The following HRH1 variants were observed in gnomAD, a reference collection of about 807,000 sequenced individuals.
HRH1 encodes the protein histamine H1 receptor.
A neutral mutation model predicts 10.3 loss-of-function variants in HRH1; 6 were observed. That is an observed-to-expected ratio of 0.58 (90% confidence interval 0.32 to 1.15). The LOEUF (loss-of-function observed/expected upper bound fraction) is 1.15, where lower values mean the gene tolerates loss of function less well. Among genes scored for constraint, HRH1 ranks in the 50% most tolerant of loss-of-function variants. The pLI is 0.05. For missense variants in HRH1, 514 were observed against 615.3 expected, an observed-to-expected ratio of 0.84 and a Z score of 1.74; for synonymous variants, 242 against 236.7, an observed-to-expected ratio of 1.02 and a Z score of -0.21.
intron 1 of HRH1, among the ~76,000 whole-genome samples, chr3:11,196,955 A>G (rs1353981537): frequency 2.8e-5 from 1 of 36,112 alleles, no homozygotes; most frequent in East Asian, 5.6e-4. Context: ...TAAAAATACA[A>G]AAAAAAAAAA....
chr3:11,139,207 G>A (rs1487554772), intron 1 of HRH1, among the ~76,000 whole-genome samples: 2 of 151,184 alleles, frequency 1.3e-5, no homozygotes, highest in South Asian at 2.1e-4. Context: ...GGCTGGTTTC[G>A]AACCCCTGAC....
chr3:11,215,775 G>A (rs1938472518), intron 1 of HRH1, among the ~76,000 whole-genome samples: 1 of 152,204 alleles, frequency 6.6e-6, no homozygotes, highest in Non-Finnish European at 1.5e-5. Context: ...AGGGGTGAGG[G>A]ACTTTGACTA....
At chr3:11,230,465 C>T (rs191809594) in intron 1 of HRH1, among the ~76,000 whole-genome samples, 93 of 152,256 alleles carry the variant, frequency 6.1e-4, no homozygotes, top group African/African-American at 2.1e-3. Context: ...TCCCAGTGTA[C>T]GATATATTTC....
Position 11,165,598 on chromosome 3 carries a change from G to A in HRH1, c.-36+11044G>A, listed in dbSNP as rs1937015025. Among the ~76,000 whole-genome samples the A allele has an allele frequency of 2.0e-5, 3 of 152,292 alleles. No individual in the cohort carries two copies. The South Asian group carries it at 6.2e-4, about 32-fold the overall frequency. ...CAGGGATTTGAACATTCAAGGTTTG[G>A]AACTGACATTGGGCCGGGTTGCTCC... On this transcript the variant is annotated intron_variant, in intron 1 of 1. Coordinates refer to ENST00000431010, the MANE Select transcript of HRH1 (RefSeq NM_001098212.2).
intron 1 of HRH1, among the ~76,000 whole-genome samples, chr3:11,207,168 G>C (rs953166173): frequency 3.3e-5 from 5 of 152,068 alleles, no homozygotes; most frequent in African/African-American, 1.2e-4. Context: ...GCAGCAGTGG[G>C]AGGGGAAGGC....
At position 11,260,774 on chromosome 3, in the gene HRH1, A is replaced by T. The variant is rs202180123; in HGVS notation, c.*273A>T. On this transcript the variant is annotated 3_prime_UTR_variant, in exon 2 of 2. Transcript: ENST00000431010. ...AACTGGGTTCAAAAAGAAAAAAATAATAAAAATAAAAGAGAGAGAGAATCA... is the reference window on the plus strand; with the variant it reads ...AACTGGGTTCAAAAAGAAAAAAATATTAAAAATAAAAGAGAGAGAGAATCA... 45 of 405,492 alleles carry T rather than the reference A, an allele frequency of 1.1e-4. No individual in the cohort carries two copies. Among genetic ancestry groups the T allele is most frequent in the Admixed American group, 2.9e-4 (7 of 24,404 alleles). The allele number at this position is 405,492 out of a possible 1,614,324, so 25.1% of individuals were successfully genotyped here.
chr3:11,226,520 T>C (rs1938886940), intron 1 of HRH1: 1 of 152,122 alleles, frequency 6.6e-6, no homozygotes. Flanking sequence ...TCTTTGAGAG[T>C]CTTCAGTAAA....
At chr3:11,216,389 G>A (rs1158872362) in intron 1 of HRH1, among the ~76,000 whole-genome samples, 1 of 152,192 alleles carries the variant, frequency 6.6e-6, no homozygotes, top group Non-Finnish European at 1.5e-5. Flanking sequence ...ATCAGAGGAT[G>A]AATGGATACA....
intron 1 of HRH1, among the ~76,000 whole-genome samples, chr3:11,171,123 C>CT (rs200795325): frequency 0.15 from 21,536 of 142,050 alleles, 2,233 homozygotes; most frequent in East Asian, 0.38. Context: ...TTTTTCTTTT[C>CT]TTTTTTTTTT....
intron 1 of HRH1, among the ~76,000 whole-genome samples, chr3:11,163,479 G>A (rs1266675116): frequency 6.6e-6 from 1 of 151,504 alleles, no homozygotes; most frequent in Non-Finnish European, 1.5e-5. Context: ...CTTGGAGGCT[G>A]CAATGAGTTT....
At chr3:11,241,166 T>C (rs1939326239) in intron 1 of HRH1, among the ~76,000 whole-genome samples, 1 of 152,194 alleles carries the variant, frequency 6.6e-6, no homozygotes, top group African/African-American at 2.4e-5. Flanking sequence ...ATACCAAATA[T>C]AATAAGTATC....
intron 1 of HRH1, among the ~76,000 whole-genome samples, chr3:11,236,496 C>A (rs1445441665): frequency 6.6e-6 from 1 of 152,146 alleles, no homozygotes; most frequent in Non-Finnish European, 1.5e-5. Flanking sequence ...TAGGCTGGCA[C>A]CTCCATGAGA....
chr3:11,245,974 C>T (rs1488139278), intron 1 of HRH1, among the ~76,000 whole-genome samples: 1 of 150,764 alleles, frequency 6.6e-6, no homozygotes, highest in Non-Finnish European at 1.5e-5. Flanking sequence ...CACACACACT[C>T]ATGTACTCAA....
chr3:11,177,078 G>A (rs570328581), intron 1 of HRH1, among the ~76,000 whole-genome samples: 1 of 150,656 alleles, frequency 6.6e-6, no homozygotes, highest in South Asian at 2.1e-4. Flanking sequence ...GAATGACGGA[G>A]TGAAACTCTT....
At chr3:11,241,068 ATATTT>A (rs1939323857) in intron 1 of HRH1, among the ~76,000 whole-genome samples, 2 of 152,232 alleles carry the variant, frequency 1.3e-5, no homozygotes, top group Admixed American at 1.3e-4. Context: ...GAAGGAATCT[ATATTT>A]TGTTTTTTTC....
At chr3:11,151,027 T>C (rs572330759), upstream of HRH1, among the ~76,000 whole-genome samples, 1 of 152,320 alleles carries the variant, frequency 6.6e-6, no homozygotes, top group East Asian at 1.9e-4. Flanking sequence ...AGGAACCATC[T>C]CTCACCCACT....
intron 1 of HRH1, among the ~76,000 whole-genome samples, chr3:11,194,682 G>T (rs1937608682): frequency 6.6e-6 from 1 of 152,170 alleles, no homozygotes; most frequent in Non-Finnish European, 1.5e-5. Flanking sequence ...GGACATGGTG[G>T]CGTGCACCTG....
chr3:11,176,131 T>C (rs953739068), intron 1 of HRH1, among the ~76,000 whole-genome samples: 1 of 147,092 alleles, frequency 6.8e-6, no homozygotes, highest in African/African-American at 2.6e-5. Flanking sequence ...ATCACACCAC[T>C]GCACTCCAGC....
At chr3:11,217,029 C>CA (rs935129551) in intron 1 of HRH1, among the ~76,000 whole-genome samples, 2 of 150,880 alleles carry the variant, frequency 1.3e-5, no homozygotes, top group African/African-American at 4.9e-5. Context: ...ACTAAAAATA[C>CA]AAAAAAATTA....
Sources: gnomAD v4.1 joint callset for allele counts (sites outside exome capture counted in the v4.1 genomes callset) on GRCh38, gnomAD v4.1.1 for gene constraint, MANE v1.5 for transcripts, NCBI Gene and HGNC (gene_info 2026-07-23, HGNC 2026-07-21) for gene names.